Variants in EFNA5 observed in about 807,000 individuals in gnomAD.
EFNA5 encodes the protein ephrin-A5.
In EFNA5, 5 loss-of-function variants were observed where a neutral mutation model predicts 22.9. The observed-to-expected ratio is 0.22, with a 90% CI of 0.11 to 0.46. The LOEUF (loss-of-function observed/expected upper bound fraction) is 0.46. Among genes scored for constraint, EFNA5 ranks in the 20% least tolerant of loss-of-function variants. EFNA5 has a pLI of 0.99. For synonymous variants in EFNA5, 113 were observed against 112.2 expected (o/e 1.01, Z -0.04); for missense variants, 237 against 293.3 (o/e 0.81, Z 1.40).
chr5:107,582,870 T>C (rs749950036), intron 1 of EFNA5, among the ~76,000 whole-genome samples: 8 of 152,102 alleles, frequency 5.3e-5, no homozygotes, highest in Non-Finnish European at 1.0e-4. Context: ...AACAGATGAA[T>C]AGATAGAAGA....
intron 1 of EFNA5, among the ~76,000 whole-genome samples, chr5:107,436,277 T>C (rs1749108449): frequency 6.6e-6 from 1 of 152,278 alleles, no homozygotes; most frequent in East Asian, 1.9e-4. Context: ...AAAGAAAGCA[T>C]TAAATTGGCA....
chr5:107,524,139 T>C (rs1747650329), intron 1 of EFNA5, among the ~76,000 whole-genome samples: 2 of 152,236 alleles, frequency 1.3e-5, no homozygotes. Context: ...TGGCAATCTT[T>C]ACCGTAGATG....
chr5:107,433,109 G>A (rs1222834645), intron 1 of EFNA5, among the ~76,000 whole-genome samples: 1 of 152,122 alleles, frequency 6.6e-6, no homozygotes, highest in Non-Finnish European at 1.5e-5. Context: ...GCTATTAGTA[G>A]CTAAGGTTTT....
intron 1 of EFNA5, among the ~76,000 whole-genome samples, chr5:107,513,389 C>T (rs551570880): frequency 1.3e-5 from 2 of 152,198 alleles, no homozygotes; most frequent in East Asian, 1.9e-4. Flanking sequence ...GTTTCCAAAT[C>T]ATTTGCTACC....
intron 2 of EFNA5, among the ~76,000 whole-genome samples, chr5:107,402,407 A>G (rs1463524538): frequency 1.3e-5 from 2 of 152,240 alleles, no homozygotes; most frequent in Non-Finnish European, 2.9e-5. Flanking sequence ...GGACCATACC[A>G]CAAAACAAAG....
chr5:107,455,726 A>C (rs1749681488), intron 1 of EFNA5, among the ~76,000 whole-genome samples: 2 of 152,190 alleles, frequency 1.3e-5, no homozygotes, highest in Non-Finnish European at 2.9e-5. Flanking sequence ...CACAGACATG[A>C]GGCACCCAGA....
intron 1 of EFNA5, among the ~76,000 whole-genome samples, chr5:107,465,332 A>G (rs1323822902): frequency 6.6e-6 from 1 of 152,130 alleles, no homozygotes; most frequent in African/African-American, 2.4e-5. Context: ...ACCCAAAGTC[A>G]TTTCTCCCTG....
chr5:107,576,563 T>C (rs1202933184), intron 1 of EFNA5, among the ~76,000 whole-genome samples: 1 of 152,224 alleles, frequency 6.6e-6, no homozygotes, highest in Non-Finnish European at 1.5e-5. Context: ...ACAAGACTAA[T>C]TCAGATATTT....
chr5:107,468,732 C>A (rs548772996), intron 1 of EFNA5, among the ~76,000 whole-genome samples: 9 of 151,902 alleles, frequency 5.9e-5, no homozygotes, highest in African/African-American at 9.7e-5. Context: ...TTAATTAATT[C>A]TTTGTGTTTT....
At chr5:107,522,919 C>A (rs1747625555) in intron 1 of EFNA5, among the ~76,000 whole-genome samples, 1 of 152,138 alleles carries the variant, frequency 6.6e-6, no homozygotes, top group East Asian at 1.9e-4. Context: ...AATCATGGGA[C>A]CTTGCCTTTT....
At chr5:107,647,302 T>G (rs972954261) in intron 1 of EFNA5, among the ~76,000 whole-genome samples, 1 of 152,146 alleles carries the variant, frequency 6.6e-6, no homozygotes, top group Non-Finnish European at 1.5e-5. Context: ...CATCTCACAA[T>G]GCATCGTGGG....
At position 107,625,557 on chromosome 5, in the gene EFNA5, T is replaced by C. The variant is rs929988321; in HGVS notation, c.125+44932A>G. ...ACTCTAATTCCTTATTAATTGGTGTTAAGTAAGAATTACCAGATTATTCCA... is the reference window on the plus strand; with the variant it reads ...ACTCTAATTCCTTATTAATTGGTGTCAAGTAAGAATTACCAGATTATTCCA... On this transcript the variant is annotated intron_variant, in intron 1 of 4. Transcript: ENST00000333274. Among the ~76,000 whole-genome samples the C allele has an allele frequency of 2.6e-5, 4 of 152,152 alleles. 1 individual carries two copies. The highest frequency in any genetic ancestry group is 4.1e-4 in the South Asian group (2 of 4,832).
At chr5:107,653,811 A>C (rs992592282) in intron 1 of EFNA5, among the ~76,000 whole-genome samples, 5 of 152,134 alleles carry the variant, frequency 3.3e-5, no homozygotes, top group Non-Finnish European at 5.9e-5. Context: ...CTGCAGTGCA[A>C]ATCTACTTAA....
chr5:107,589,273 G>A (rs1221894373), intron 1 of EFNA5, among the ~76,000 whole-genome samples: 1 of 152,136 alleles, frequency 6.6e-6, no homozygotes, highest in Non-Finnish European at 1.5e-5. Flanking sequence ...TTGCTCATAA[G>A]ACCAAGCCCA....
At chr5:107,668,217 T>C (rs768246415) in intron 1 of EFNA5, among the ~76,000 whole-genome samples, 2 of 152,234 alleles carry the variant, frequency 1.3e-5, no homozygotes, top group Non-Finnish European at 2.9e-5. Context: ...AAGGTAATTC[T>C]ACAAACCTGA....
intron 1 of EFNA5, among the ~76,000 whole-genome samples, chr5:107,488,318 ATAAAG>A (rs754085579): frequency 3.3e-5 from 5 of 152,170 alleles, no homozygotes; most frequent in Admixed American, 2.6e-4. Context: ...CTTACATTGT[ATAAAG>A]TAATGTTTCT....
chr5:107,420,232 T>C (rs1748617692), intron 2 of EFNA5, among the ~76,000 whole-genome samples: 1 of 152,184 alleles, frequency 6.6e-6, no homozygotes, highest in Non-Finnish European at 1.5e-5. Context: ...AATTTTTTAC[T>C]GAACTAAAAT....
chr5:107,457,211 T>G (rs947459551), intron 1 of EFNA5, among the ~76,000 whole-genome samples: 1 of 152,174 alleles, frequency 6.6e-6, no homozygotes, highest in Non-Finnish European at 1.5e-5. Context: ...ACAATGTTTT[T>G]TGCTTTAACA....
At chr5:107,429,418 C>T (rs531186342) in intron 1 of EFNA5, among the ~76,000 whole-genome samples, 1 of 152,314 alleles carries the variant, frequency 6.6e-6, no homozygotes, top group East Asian at 1.9e-4. Context: ...TGCACTCCAG[C>T]CTGGGTGACA....
Sources: allele counts gnomAD v4.1 joint callset (sites outside exome capture counted in the v4.1 genomes callset), GRCh38; gene constraint gnomAD v4.1.1; transcripts MANE v1.5; gene names NCBI Gene and HGNC (gene_info 2026-07-23, HGNC 2026-07-21).